ACOT7: variants seen among roughly 807,000 people sequenced by gnomAD.
ACOT7 encodes the protein cytosolic acyl coenzyme A thioester hydrolase.
ACOT7 carries 12 observed loss-of-function variants against 40.2 expected under a neutral mutation model. The observed-to-expected ratio is 0.30, with a 90% confidence interval of 0.19 to 0.48. ACOT7 has a LOEUF of 0.48. ACOT7 is among the 20% of genes least tolerant of loss of function. The pLI is 0.99. For synonymous variants in ACOT7, 228 were observed against 219.5 expected, an observed-to-expected ratio of 1.04 and a Z score of -0.34; for missense variants, 395 against 530.8, an observed-to-expected ratio of 0.74 and a Z score of 2.51.
chr1:6,327,494 T>C (rs897675302), intron 4 of ACOT7, 81 bp from the exon 5 acceptor site: 6 of 1,254,952 alleles, frequency 4.8e-6, no homozygotes, highest in Non-Finnish European at 6.9e-6. Flanking sequence ...CCCAGGCCCT[T>C]ATAGCCTTGT....
At chr1:6,327,596 C>A (rs7553799) in intron 4 of ACOT7, among the ~76,000 whole-genome samples, 183 bp from the exon 5 acceptor site, 3 of 152,094 alleles carry the variant, frequency 2.0e-5, no homozygotes, top group African/African-American at 7.2e-5. Flanking sequence ...GCTCCACTCC[C>A]CAGAGAGACA....
intron 1 of ACOT7, among the ~76,000 whole-genome samples, chr1:6,356,937 G>A (rs1312958201): frequency 2.0e-5 from 3 of 148,428 alleles, no homozygotes; most frequent in Non-Finnish European, 4.5e-5. Flanking sequence ...AAAAAAGGAC[G>A]ACGACGACTA....
Position 6,339,505 on chromosome 1 carries a change from C to T in ACOT7, c.346G>A (p.Ala116Thr), listed in dbSNP as rs766402526. Residue 116 changes from alanine (A) to threonine (T), a missense_variant, in exon 3 of 9, where the codon GCG (alanine) becomes ACG (threonine). By Grantham distance (58) the Ala-to-Thr change is moderately conservative. Around this residue, in one of 2 missense-constraint regions of ACOT7, gnomAD observed 309 missense variants for 470.3 expected, o/e 0.66. Coordinates refer to ENST00000361521, the MANE Select transcript of ACOT7 (RefSeq NM_007274.4). ...MCIGEVAHVS[A>T]EITYTSKHSV... ...TGCTTGGAGGTGTAGGTGATCTCCG[C>T]GCTGACATGCGCCACCTCACCGATG... 1.9e-6 allele frequency: 3 copies of T among 1,613,714 alleles called. No individual in the cohort carries two copies. In the East Asian group the frequency reaches 6.7e-5, roughly 36 times the overall value.
intron 8 of ACOT7, among the ~76,000 whole-genome samples, chr1:6,271,030 C>T (rs1394769906): frequency 2.0e-5 from 3 of 152,208 alleles, no homozygotes; most frequent in Non-Finnish European, 2.9e-5. Context: ...GCCCCTGGCT[C>T]CCCTGCAGCC....
At chr1:6,326,439 T>G (rs1356932608) in intron 5 of ACOT7, among the ~76,000 whole-genome samples, 1 of 152,154 alleles carries the variant, frequency 6.6e-6, no homozygotes, top group Non-Finnish European at 1.5e-5. Flanking sequence ...CAGAGCACCC[T>G]GACATGAGAG....
At position 6,358,929 on chromosome 1, in the gene ACOT7, T is replaced by C. The variant is rs1641824763; in HGVS notation, c.144-9063A>G. On this transcript the variant is annotated intron_variant, in intron 1 of 8. Coordinates refer to ENST00000361521, the MANE Select transcript of ACOT7 (RefSeq NM_007274.4). This position sits in a 1 kb window ranked among gnomAD's most constrained non-coding sequence, Gnocchi z 4.1. ...ACAGAGTCCTTGCCTGACCCAGGAC[T>C]GTCCCAGCTCCCTGCCACACCGGGC... 3 of 1,573,014 alleles carry C rather than the reference T, an allele frequency of 1.9e-6. No individual in the cohort carries two copies. Among genetic ancestry groups the C allele is most frequent in the Admixed American group, 3.7e-5 (2 of 54,344 alleles).
chr1:6,337,047 G>A (rs867904855), intron 3 of ACOT7, among the ~76,000 whole-genome samples: 9 of 152,354 alleles, frequency 5.9e-5, no homozygotes, highest in Middle Eastern at 3.4e-3. Context: ...CTGGGGCACC[G>A]CCCAGCCCCA....
At chr1:6,351,420 C>T (rs1179022216) in intron 1 of ACOT7, among the ~76,000 whole-genome samples, 1 of 152,266 alleles carries the variant, frequency 6.6e-6, no homozygotes, top group Non-Finnish European at 1.5e-5. Context: ...ATTGAACTTA[C>T]TCTATGAAAG....
chr1:6,374,227 G>A lies in ACOT7; in HGVS notation c.143+19030C>T, dbSNP rs534246419. 9.2e-4 allele frequency among the ~76,000 whole-genome samples: 140 copies of A among 152,302 alleles called. 1 individual carries two copies. The highest frequency in any genetic ancestry group is 1.9e-3 in the South Asian group (9 of 4,828). ...CACGTCCCTCAGCCCAAACAGAGGC[G>A]GGAGGGAGGTGGCCAAATGGCCCTG... On this transcript the variant is annotated intron_variant, in intron 1 of 8. Transcript: ENST00000361521.
intron 2 of ACOT7, among the ~76,000 whole-genome samples, chr1:6,348,425 T>C (rs1267503807): frequency 1.3e-5 from 2 of 152,188 alleles, no homozygotes; most frequent in Non-Finnish European, 2.9e-5. Context: ...GCATGTGCCA[T>C]GCTCTGCATG....
intron 2 of ACOT7, among the ~76,000 whole-genome samples, chr1:6,346,555 C>T (rs1167757909): frequency 6.6e-6 from 1 of 152,222 alleles, no homozygotes; most frequent in East Asian, 1.9e-4. Flanking sequence ...CCCCGAGCCG[C>T]GCTAGGCAGA....
chr1:6,310,826 C>G (rs1432622511), intron 6 of ACOT7, among the ~76,000 whole-genome samples: 1 of 152,192 alleles, frequency 6.6e-6, no homozygotes, highest in East Asian at 1.9e-4. Flanking sequence ...TAACCTCCAC[C>G]TCCCAGGTTC....
chr1:6,332,886 C>T (rs1640999573), intron 4 of ACOT7, among the ~76,000 whole-genome samples: 1 of 151,982 alleles, frequency 6.6e-6, no homozygotes, highest in African/African-American at 2.4e-5. Flanking sequence ...CCAACCACAG[C>T]GAAGCCAGAA....
chr1:6,393,378 G>T lies in ACOT7; in HGVS notation c.22C>A (p.His8Asn). The T allele has an allele frequency of 8.1e-7, 1 of 1,233,376 alleles. No homozygotes were observed. Among genetic ancestry groups the T allele is most frequent in the East Asian group, 3.2e-5 (1 of 31,592 alleles). The allele number at this position is 1,233,376 out of a possible 1,614,324, so 76.4% of individuals were successfully genotyped here. MARPGLI[H>N]SAPGLPDTCA... ...GTGTCTGGCAGGCCCGGCGCGGAAT[G>T]AATGAGCCCGGGCCGCGCCATAAAG... Residue 8 changes from histidine (H) to asparagine (N), a missense_variant, in exon 1 of 9, where the codon CAT (histidine) becomes AAT (asparagine). By Grantham distance (68) the His-to-Asn change is moderately conservative. This residue lies in a region of ACOT7 where 86 missense variants were observed against 60.5 expected (regional missense o/e 1.42). Coordinates refer to ENST00000361521, the MANE Select transcript of ACOT7 (RefSeq NM_007274.4).
At chr1:6,272,626 G>A (rs1290294277) in intron 8 of ACOT7, among the ~76,000 whole-genome samples, 1 of 152,202 alleles carries the variant, frequency 6.6e-6, no homozygotes, top group Non-Finnish European at 1.5e-5. Context: ...CTCAAGATGT[G>A]TGTCTGGCCG....
intron 6 of ACOT7, among the ~76,000 whole-genome samples, chr1:6,305,573 C>T (rs969670820): frequency 1.3e-5 from 2 of 151,744 alleles, no homozygotes; most frequent in Non-Finnish European, 2.9e-5. Context: ...GGCAGAGACG[C>T]TCCTCACATC....
At position 6,264,479 on chromosome 1, in the gene ACOT7, A is replaced by G; in HGVS notation, c.*118T>C. 1 of 901,794 alleles carries G rather than the reference A, an allele frequency of 1.1e-6. No homozygotes were observed. The allele number at this position is 901,794 out of a possible 1,614,324, so 55.9% of individuals were successfully genotyped here. A position where few individuals can be genotyped will look rare whatever the true frequency, so the allele number is the denominator to read the frequency against. ...GTTAACACTGTGATACGAAAACTTC[A>G]GACAACACCAGCTCTCAATGTGAAT... On this transcript the variant is annotated 3_prime_UTR_variant, in exon 9 of 9. Coordinates refer to ENST00000361521, the MANE Select transcript of ACOT7 (RefSeq NM_007274.4).
intron 2 of ACOT7, among the ~76,000 whole-genome samples, chr1:6,340,146 T>G (rs1641232750): frequency 6.6e-6 from 1 of 152,096 alleles, no homozygotes; most frequent in Non-Finnish European, 1.5e-5. Context: ...TTTTGTATTT[T>G]TAGTAGAGAC....
chr1:6,327,272 C>T, intron 5 of ACOT7, 27 bp downstream of exon 5: 3 of 1,611,378 alleles, frequency 1.9e-6, no homozygotes, highest in Non-Finnish European at 2.5e-6. Context: ...AGGAGTGGCA[C>T]CTGCTGCTGG....
Sources: allele counts gnomAD v4.1 joint callset (sites outside exome capture counted in the v4.1 genomes callset), GRCh38; gene constraint gnomAD v4.1.1; regional missense constraint gnomAD v4.1.1; non-coding constraint Gnocchi (gnomAD v3.1); transcripts MANE v1.5; gene names NCBI Gene and HGNC (gene_info 2026-07-23, HGNC 2026-07-21).